Variants in SV2C observed in about 807,000 individuals in gnomAD.
SV2C encodes synaptic vesicle glycoprotein 2C, also known as solute carrier family 22 member B3.
A neutral mutation model predicts 79.7 loss-of-function variants in SV2C; 49 were observed. The ratio of observed to expected loss-of-function variants is 0.61; its 90% CI spans 0.49 to 0.78. SV2C has a LOEUF of 0.78. Ranked by LOEUF, SV2C falls within the 30% of genes least tolerant of loss-of-function variation. The probability of loss-of-function intolerance (pLI) is 0.00; values close to 1 mark genes in which losing one functional copy is unlikely to be tolerated. For synonymous variants in SV2C, 334 were observed against 333.2 expected, an observed-to-expected ratio of 1.00 and a Z score of -0.03; for missense variants, 833 against 912.9, an observed-to-expected ratio of 0.91 and a Z score of 1.13.
At chr5:76,073,503 G>GTGTATA in the SV2C span, among the ~76,000 whole-genome samples, 382 of 67,330 alleles carry the variant, frequency 5.7e-3, 3 homozygotes, top group African/African-American at 0.018. Context: ...GTATGTGTGT[G>GTGTATA]TATATATATA....
At chr5:76,347,149 C>G (rs246802) in intron 12 of SV2C, among the ~76,000 whole-genome samples, 81,065 of 151,976 alleles carry the variant, frequency 0.53, 23,507 homozygotes, top group African/African-American at 0.76. Context: ...ATTGACGGCA[C>G]GCTCAGCATA....
rs559925634 is a variant in SV2C, at chr5:76,144,477, A to G, written c.580+12147A>G. Among the ~76,000 whole-genome samples the G allele has an allele frequency of 1.9e-3, 288 of 152,286 alleles. 1 individual carries two copies. The highest frequency in any genetic ancestry group is 6.8e-3 in the African/African-American group (284 of 41,548). ...AGGGCTGCTTTTATTTATCTGGAGG[A>G]AAGGATGATCTTTGCTAATTCCTCT... On this transcript the variant is annotated intron_variant, in intron 2 of 12. Coordinates refer to ENST00000502798, the MANE Select transcript of SV2C (RefSeq NM_014979.4).
the SV2C span, among the ~76,000 whole-genome samples, chr5:75,951,251 G>A: frequency 1.3e-5 from 2 of 152,094 alleles, no homozygotes; most frequent in Admixed American, 6.6e-5. Context: ...AAATGGATCT[G>A]GCCTTATGCC....
In SV2C at chr5:76,281,263, C is replaced by T. The variant is rs1012693235; in HGVS notation, c.914-3899C>T. 7.8e-6 allele frequency: 4 copies of T among 510,626 alleles called. No individual in the cohort carries two copies. The East Asian group carries it at 1.6e-4, about 21-fold the overall frequency. 31.6% of individuals were successfully genotyped at this position (510,626 alleles called of 1,614,324 possible). On this transcript the variant is annotated intron_variant, in intron 4 of 12. Transcript: ENST00000502798. ...AAGTAATAGACTCTGATGAAGATGA[C>T]GATTATTGAACTAAAAGTTTTCATA...
At chr5:76,172,018 C>G (rs1251493827) in intron 2 of SV2C, among the ~76,000 whole-genome samples, 5 of 122,822 alleles carry the variant, frequency 4.1e-5, no homozygotes, top group African/African-American at 9.1e-5. Flanking sequence ...GCCAGCCGCC[C>G]CGTCTGGGAG....
chr5:76,237,045 A>G (rs905915736), intron 4 of SV2C, among the ~76,000 whole-genome samples: 8 of 152,204 alleles, frequency 5.3e-5, no homozygotes, highest in Non-Finnish European at 1.0e-4. Context: ...TTTGCCTTCA[A>G]TCATGATTGT....
the SV2C span, among the ~76,000 whole-genome samples, chr5:75,989,956 A>T: frequency 7.1e-6 from 1 of 140,032 alleles, no homozygotes; most frequent in African/African-American, 2.7e-5. Flanking sequence ...GTGCCTGTTT[A>T]TGTCCTTGGC....
At chr5:76,220,916 A>C (rs1378356358) in intron 4 of SV2C, among the ~76,000 whole-genome samples, 1 of 152,196 alleles carries the variant, frequency 6.6e-6, no homozygotes, top group Non-Finnish European at 1.5e-5. Context: ...GTCCCACACA[A>C]ATCCACTTGA....
At chr5:76,090,685 GCC>G (rs1473317894) in intron 1 of SV2C, among the ~76,000 whole-genome samples, 4 of 152,264 alleles carry the variant, frequency 2.6e-5, no homozygotes, top group African/African-American at 9.6e-5. Context: ...TTCTAGTTCT[GCC>G]TTTGTAGAAA....
At chr5:75,925,842 A>G in the SV2C span, among the ~76,000 whole-genome samples, 1 of 152,192 alleles carries the variant, frequency 6.6e-6, no homozygotes, top group East Asian at 1.9e-4. Flanking sequence ...TTTTTAAAGT[A>G]AGATGGTTTA....
chr5:76,231,439 TA>T (rs1164328366), intron 4 of SV2C, among the ~76,000 whole-genome samples: 73 of 152,186 alleles, frequency 4.8e-4, no homozygotes, highest in African/African-American at 1.7e-3. Flanking sequence ...TTTATTTATT[TA>T]TTTTTTTTTA....
chr5:76,283,937 G>A (rs7730153), intron 4 of SV2C, among the ~76,000 whole-genome samples: 19,216 of 152,136 alleles, frequency 0.13, 1,492 homozygotes, highest in African/African-American at 0.21. Context: ...CTCCCAGGTA[G>A]ACAATGAGTA....
At chr5:75,937,875 A>ACC in the SV2C span, among the ~76,000 whole-genome samples, 1 of 99,278 alleles carries the variant, frequency 1.0e-5, no homozygotes, top group African/African-American at 5.3e-5. Context: ...CTCTAGCATT[A>ACC]TCTCTTTTTT....
At chr5:75,939,726 A>C in the SV2C span, among the ~76,000 whole-genome samples, 1 of 152,130 alleles carries the variant, frequency 6.6e-6, no homozygotes, top group Non-Finnish European at 1.5e-5. Context: ...ACATGACTTG[A>C]AATGCAGTTG....
At chr5:76,140,286 A>G (rs1311505504) in intron 2 of SV2C, among the ~76,000 whole-genome samples, 1 of 152,212 alleles carries the variant, frequency 6.6e-6, no homozygotes, top group East Asian at 1.9e-4. Context: ...TTTTACTTGG[A>G]TGCTGGAATT....
intron 1 of SV2C, among the ~76,000 whole-genome samples, chr5:76,116,478 G>C (rs1748271784): frequency 6.6e-6 from 1 of 152,130 alleles, no homozygotes; most frequent in Non-Finnish European, 1.5e-5. Flanking sequence ...TCTGCCTTCT[G>C]CTCTTCCCAG....
chr5:75,930,831 T>G, the SV2C span, among the ~76,000 whole-genome samples: 1 of 152,226 alleles, frequency 6.6e-6, no homozygotes, highest in Non-Finnish European at 1.5e-5. Context: ...TCAGTTTCTT[T>G]GGTGAAGAGT....
chr5:76,135,436 G>A (rs1749034404), intron 2 of SV2C, among the ~76,000 whole-genome samples: 1 of 152,096 alleles, frequency 6.6e-6, no homozygotes, highest in African/African-American at 2.4e-5. Flanking sequence ...TGGTGGTGGA[G>A]GAGGAATCAT....
chr5:76,288,652 G>T (rs1747435163), intron 6 of SV2C, among the ~76,000 whole-genome samples: 1 of 152,202 alleles, frequency 6.6e-6, no homozygotes, highest in South Asian at 2.1e-4. Context: ...CTTCCAAAAG[G>T]GTTGAGTTAC....
Sources: allele counts gnomAD v4.1 joint callset (sites outside exome capture counted in the v4.1 genomes callset), GRCh38; gene constraint gnomAD v4.1.1; transcripts MANE v1.5; gene names NCBI Gene and HGNC (gene_info 2026-07-23, HGNC 2026-07-21).